MRE11: variants seen among roughly 807,000 people sequenced by gnomAD.
The protein encoded by MRE11 is double-strand break repair protein MRE11.
A neutral mutation model predicts 91.7 loss-of-function variants in MRE11; 62 were observed. The observed-to-expected ratio is 0.68, with a 90% confidence interval of 0.55 to 0.84. The LOEUF (loss-of-function observed/expected upper bound fraction) is 0.84, where lower values mean the gene tolerates loss of function less well. Among genes scored for constraint, MRE11 ranks in the 40% least tolerant of loss-of-function variants. The pLI, the probability that MRE11 is intolerant of heterozygous loss-of-function variation, is 0.00. For synonymous variants in MRE11, 273 were observed against 271.4 expected (o/e 1.01, Z -0.06); for missense variants, 796 against 852.9 (o/e 0.93, Z 0.83).
At chr11:94,437,876 G>C (rs1056860140) in intron 16 of MRE11, among the ~76,000 whole-genome samples, 7 of 152,148 alleles carry the variant, frequency 4.6e-5, no homozygotes, top group Non-Finnish European at 1.0e-4. Context: ...TGTAATCCCA[G>C]TGCTTTGGGA....
chr11:94,459,534 T>C lies in MRE11; in HGVS notation c.1374A>G (p.Val458=), dbSNP rs201110281. ...LLTERGMGEA[V]QEFVDKEEKD... ...TCTCCTCCTTGTCCACAAATTCTTG[T>C]ACTGCTTCACCCATCCCTCTTTCTG... The change falls in exon 13 of 20, where the codon GTA becomes GTG. Residue 458 remains valine, a synonymous_variant. Transcript: ENST00000323929. 6 of 1,614,004 alleles carry C rather than the reference T, an allele frequency of 3.7e-6. No homozygotes were observed. Among genetic ancestry groups the C allele is most frequent in the Non-Finnish European group, 5.1e-6 (6 of 1,179,960 alleles).
At chr11:94,440,876 C>T (rs912052751) in intron 16 of MRE11, among the ~76,000 whole-genome samples, 1 of 152,166 alleles carries the variant, frequency 6.6e-6, no homozygotes, top group Non-Finnish European at 1.5e-5. Flanking sequence ...GGGAGTTCAT[C>T]TAACTATGTG....
chr11:94,459,717 C>T, intron 12 of MRE11, 136 bp from the exon 13 acceptor site: 12 of 978,378 alleles, frequency 1.2e-5, no homozygotes, highest in Non-Finnish European at 1.8e-5. Context: ...CTACTAATAT[C>T]AGGAACCAGA....
chr11:94,500,194 C>T, the MRE11 span, among the ~76,000 whole-genome samples: 5 of 152,182 alleles, frequency 3.3e-5, no homozygotes, highest in African/African-American at 1.2e-4. Context: ...GCTGATGGCT[C>T]CTTTCTCACT....
chr11:94,467,253 G>C (rs12269941), intron 10 of MRE11, among the ~76,000 whole-genome samples: 1 of 152,082 alleles, frequency 6.6e-6, no homozygotes, highest in African/African-American at 2.4e-5. Flanking sequence ...TTTATAACAC[G>C]ATAGAAAGGA....
intron 14 of MRE11, among the ~76,000 whole-genome samples, chr11:94,455,971 T>C (rs1436811128): frequency 6.6e-6 from 1 of 152,160 alleles, no homozygotes; most frequent in Non-Finnish European, 1.5e-5. Flanking sequence ...CATAGTTCAC[T>C]GCAGCCTTGA....
chr11:94,486,852 G>C (rs1947154428), intron 3 of MRE11, among the ~76,000 whole-genome samples: 1 of 152,188 alleles, frequency 6.6e-6, no homozygotes, highest in Non-Finnish European at 1.5e-5. Context: ...TTCAGTGAAG[G>C]AGGGAAATCA....
chr11:94,494,674 G>T (rs1947384448), upstream of MRE11, among the ~76,000 whole-genome samples: 1 of 152,086 alleles, frequency 6.6e-6, no homozygotes, highest in Non-Finnish European at 1.5e-5. Context: ...TCGGGTAGAT[G>T]CGCCTAGGCT....
At chr11:94,424,070 C>T (rs1311650000) in intron 19 of MRE11, among the ~76,000 whole-genome samples, 8 of 152,152 alleles carry the variant, frequency 5.3e-5, no homozygotes, top group Non-Finnish European at 8.8e-5. Flanking sequence ...GGAGGGACCT[C>T]ACCCATGGTC....
chr11:94,506,593 G>GTTT, the MRE11 span, among the ~76,000 whole-genome samples: 30 of 140,888 alleles, frequency 2.1e-4, no homozygotes, highest in African/African-American at 7.8e-4. Context: ...TGCTTTTTTT[G>GTTT]TTTTTTTTTT....
At chr11:94,426,582 A>T (rs1945324836) in intron 19 of MRE11, among the ~76,000 whole-genome samples, 1 of 152,068 alleles carries the variant, frequency 6.6e-6, no homozygotes, top group Non-Finnish European at 1.5e-5. Context: ...CAAAACTGAG[A>T]TGCAAAAATC....
At chr11:94,498,627 C>T, upstream of MRE11, 2 of 1,104,852 alleles carry the variant, frequency 1.8e-6, no homozygotes, top group Non-Finnish European at 2.6e-6. Flanking sequence ...CATCTTACTA[C>T]AAAAATTCAG....
At chr11:94,483,271 C>T (rs1947057112) in intron 4 of MRE11, among the ~76,000 whole-genome samples, 4 of 152,126 alleles carry the variant, frequency 2.6e-5, no homozygotes, top group African/African-American at 9.7e-5. Context: ...CCAGGACCAG[C>T]TGGGCAACAC....
upstream of MRE11, chr11:94,498,361 G>A: frequency 6.2e-7 from 1 of 1,613,430 alleles, no homozygotes; most frequent in East Asian, 2.2e-5. Context: ...TTGCTGCTGG[G>A]AACAGAGACA....
intron 13 of MRE11, among the ~76,000 whole-genome samples, chr11:94,458,754 T>C (rs1435334654): frequency 6.6e-6 from 1 of 152,172 alleles, no homozygotes; most frequent in East Asian, 1.9e-4. Context: ...GTATTTGAGT[T>C]TCTTTGATTA....
At chr11:94,474,244 C>T (rs1471358568) in intron 7 of MRE11, among the ~76,000 whole-genome samples, 1 of 151,974 alleles carries the variant, frequency 6.6e-6, no homozygotes, top group Non-Finnish European at 1.5e-5. Flanking sequence ...GTGATTTTTG[C>T]CATTACAAGA....
chr11:94,428,662 G>A (rs575036602), intron 19 of MRE11, among the ~76,000 whole-genome samples: 11 of 152,210 alleles, frequency 7.2e-5, no homozygotes, highest in Admixed American at 2.6e-4. Context: ...AGGAGTTTGA[G>A]ACCAGCCTGG....
At chr11:94,501,498 T>C in the MRE11 span, among the ~76,000 whole-genome samples, 166 of 152,262 alleles carry the variant, frequency 1.1e-3, no homozygotes, top group African/African-American at 3.7e-3. Context: ...ATATGAGATA[T>C]ATATTTAAAA....
At chr11:94,450,907 A>G (rs554535714) in intron 14 of MRE11, among the ~76,000 whole-genome samples, 17 of 152,316 alleles carry the variant, frequency 1.1e-4, no homozygotes, top group East Asian at 1.9e-4. Context: ...CAAAACAATA[A>G]CATTAATAAA....
Sources: allele counts gnomAD v4.1 joint callset (sites outside exome capture counted in the v4.1 genomes callset), GRCh38; gene constraint gnomAD v4.1.1; transcripts MANE v1.5; gene names NCBI Gene and HGNC (gene_info 2026-07-23, HGNC 2026-07-21).